SLC4A5: variants seen among roughly 807,000 people sequenced by gnomAD.
SLC4A5 encodes the protein electrogenic sodium bicarbonate cotransporter 4.
SLC4A5 carries 96 observed loss-of-function variants against 120.4 expected under a neutral mutation model. That is an observed-to-expected ratio of 0.80 (90% CI 0.68 to 0.94). The LOEUF (loss-of-function observed/expected upper bound fraction) is 0.94, where lower values mean the gene tolerates loss of function less well. SLC4A5 is among the 40% of genes least tolerant of loss of function. The pLI, the probability that SLC4A5 is intolerant of heterozygous loss-of-function variation, is 0.00. For missense variants in SLC4A5, 1,259 were observed against 1,459.5 expected (o/e 0.86, Z 2.24); for synonymous variants, 550 against 571.1 (o/e 0.96, Z 0.53).
At chr2:74,223,001 G>C (rs1694709386) in intron 28 of SLC4A5, 49 bp from the exon 29 acceptor site, 2 of 1,369,386 alleles carry the variant, frequency 1.5e-6, no homozygotes, top group East Asian at 4.7e-5. Flanking sequence ...ACAACAATTT[G>C]GCTTTCTTTT....
intron 23 of SLC4A5, among the ~76,000 whole-genome samples, chr2:74,233,082 C>T (rs1309088447): frequency 6.6e-6 from 1 of 152,172 alleles, no homozygotes; most frequent in African/African-American, 2.4e-5. Context: ...GTTCCTCTGC[C>T]TCAGTGTTCT....
chr2:74,248,211 C>T (rs1362491409), intron 18 of SLC4A5, 142 bp downstream of exon 18: 1 of 1,170,586 alleles, frequency 8.5e-7, no homozygotes, highest in African/African-American at 1.5e-5. Flanking sequence ...GGAGGGGCCA[C>T]CTGGTAGCCC....
chr2:74,311,702 G>A (rs188061313), intron 6 of SLC4A5, among the ~76,000 whole-genome samples: 6 of 151,656 alleles, frequency 4.0e-5, no homozygotes, highest in Non-Finnish European at 7.4e-5. Context: ...AATTTGTTCA[G>A]GTGTGTTTTA....
intron 16 of SLC4A5, among the ~76,000 whole-genome samples, chr2:74,251,563 A>C (rs1200660298): frequency 6.6e-6 from 1 of 152,240 alleles, no homozygotes; most frequent in Non-Finnish European, 1.5e-5. Context: ...TAAGGTCCTA[A>C]CATCTATGTA....
chr2:74,248,548 T>G, intron 17 of SLC4A5, 62 bp from the exon 18 acceptor site: 1 of 1,592,366 alleles, frequency 6.3e-7, no homozygotes, highest in Non-Finnish European at 8.6e-7. Flanking sequence ...CCACACAGGC[T>G]GCAGCCCCAG....
At chr2:74,286,062 T>G (rs1419752825) in intron 7 of SLC4A5, among the ~76,000 whole-genome samples, 160 bp from the exon 8 acceptor site, 2 of 152,170 alleles carry the variant, frequency 1.3e-5, no homozygotes, top group African/African-American at 2.4e-5. Context: ...CCTGTAACCA[T>G]GAATCAGAGG....
chr2:74,323,827 ATAGT>A (rs1280804585), intron 5 of SLC4A5, among the ~76,000 whole-genome samples: 3 of 152,368 alleles, frequency 2.0e-5, no homozygotes, highest in Admixed American at 2.0e-4. Context: ...TGGTTGTAAG[ATAGT>A]TAAATATTCA....
intron 7 of SLC4A5, among the ~76,000 whole-genome samples, chr2:74,302,571 C>T (rs1267553643): frequency 2.0e-5 from 3 of 152,202 alleles, no homozygotes; most frequent in East Asian, 1.9e-4. Context: ...GAGCCGAGAT[C>T]GCGCCACTTA....
intron 5 of SLC4A5, among the ~76,000 whole-genome samples, chr2:74,320,894 G>C (rs918127924): frequency 6.6e-6 from 1 of 152,168 alleles, no homozygotes. Context: ...GTCAAGAATA[G>C]TCATAGAAAG....
At chr2:74,305,136 T>C (rs1044358315) in intron 6 of SLC4A5, among the ~76,000 whole-genome samples, 1 of 152,190 alleles carries the variant, frequency 6.6e-6, no homozygotes, top group Non-Finnish European at 1.5e-5. Flanking sequence ...AAAAGTGAGT[T>C]ATTGAGGGTT....
At chr2:74,259,513 G>T in intron 12 of SLC4A5, 75 bp downstream of exon 12, 1 of 1,485,096 alleles carries the variant, frequency 6.7e-7, no homozygotes, top group Admixed American at 1.7e-5. Context: ...GCCCATAGGG[G>T]ATCCCTGCTC....
At chr2:74,227,580 C>T in intron 26 of SLC4A5, 2 of 1,587,476 alleles carry the variant, frequency 1.3e-6, no homozygotes, top group South Asian at 2.2e-5. Context: ...AAATGGGGAT[C>T]AGAGGACCTA....
intron 30 of SLC4A5, 91 bp downstream of exon 30, chr2:74,221,343 A>C: frequency 1.1e-5 from 10 of 918,786 alleles, no homozygotes; most frequent in Non-Finnish European, 1.4e-5. Flanking sequence ...CTGAGAGGAC[A>C]GCTAGCTTGG....
intron 10 of SLC4A5, 75 bp downstream of exon 10, chr2:74,264,072 G>A: frequency 6.5e-7 from 1 of 1,526,880 alleles, no homozygotes; most frequent in Non-Finnish European, 8.8e-7. Flanking sequence ...AGCCCCTAAG[G>A]TGGGCTCACC....
chr2:74,254,662 T>C (rs770886719), exon 14 of SLC4A5: 5 of 1,613,976 alleles, frequency 3.1e-6, no homozygotes, highest in African/African-American at 2.7e-5. Context: ...AATTTCATTG[T>C]AGGATTTTGC....
intron 8 of SLC4A5, among the ~76,000 whole-genome samples, chr2:74,272,641 C>T (rs138644329): frequency 7.4e-4 from 113 of 152,334 alleles, no homozygotes; most frequent in Admixed American, 1.6e-3. Flanking sequence ...CCAGGTGCCC[C>T]GCTCCTGACT....
intron 8 of SLC4A5, among the ~76,000 whole-genome samples, chr2:74,281,155 C>T (rs1671801615): frequency 6.6e-6 from 1 of 152,238 alleles, no homozygotes; most frequent in Non-Finnish European, 1.5e-5. Context: ...TCCTGCCCTT[C>T]CCGGTCACTG....
intron 5 of SLC4A5, among the ~76,000 whole-genome samples, chr2:74,322,157 G>T (rs1429424019): frequency 2.0e-5 from 3 of 151,228 alleles, no homozygotes; most frequent in Non-Finnish European, 4.4e-5. Context: ...ACTGAGCTCT[G>T]GACTGCTTAT....
chr2:74,320,365 T>A (rs1181887639), intron 5 of SLC4A5, among the ~76,000 whole-genome samples: 2 of 152,122 alleles, frequency 1.3e-5, no homozygotes, highest in African/African-American at 4.8e-5. Flanking sequence ...TTATGAAGCA[T>A]TAGGACTTCA....
Sources: gnomAD v4.1 joint callset for allele counts (sites outside exome capture counted in the v4.1 genomes callset) on GRCh38, gnomAD v4.1.1 for gene constraint, MANE v1.5 for transcripts, NCBI Gene and HGNC (gene_info 2026-07-23, HGNC 2026-07-21) for gene names.